INPP5D: variants seen among roughly 807,000 people sequenced by gnomAD.
INPP5D encodes phosphatidylinositol 3,4,5-trisphosphate 5-phosphatase 1.
INPP5D carries 33 observed loss-of-function variants against 122.9 expected under a neutral mutation model. That is an observed-to-expected ratio of 0.27 (90% CI 0.20 to 0.36). The LOEUF is 0.36. Among genes scored for constraint, INPP5D ranks in the 10% least tolerant of loss-of-function variants. The pLI, the probability that INPP5D is intolerant of heterozygous loss-of-function variation, is 1.00. For synonymous variants in INPP5D, 584 were observed against 576.2 expected, an observed-to-expected ratio of 1.01 and a Z score of -0.19; for missense variants, 1,053 against 1,412.7, an observed-to-expected ratio of 0.75 and a Z score of 4.08.
In INPP5D at chr2:233,170,622, G is replaced by A. The variant is rs376023581; in HGVS notation, c.1900+18G>A. 1,876 of 1,611,124 alleles carry A rather than the reference G, an allele frequency of 1.2e-3. 39 individuals are homozygous for A. In the South Asian group the frequency reaches 0.019, roughly 16 times the overall value. On this transcript the variant is annotated intron_variant, in intron 16 of 26. Coordinates refer to ENST00000445964, the MANE Select transcript of INPP5D (RefSeq NM_001017915.3). The surrounding 1 kb of genome is among the most constrained non-coding windows in gnomAD (Gnocchi z 4.5). ...ACACTTCGGTAAGAGCAGCAACCCC[G>A]GCTGGGAGCGGTGGCTCACACCTGT...
At chr2:233,079,576 A>G (rs1212479691) in intron 2 of INPP5D, among the ~76,000 whole-genome samples, 178 bp downstream of exon 2, 1 of 152,144 alleles carries the variant, frequency 6.6e-6, no homozygotes, top group Admixed American at 6.5e-5. Context: ...GGGGCCCTCC[A>G]AGTGACCCTG....
At chr2:233,075,875 T>C (rs1416616521) in intron 1 of INPP5D, among the ~76,000 whole-genome samples, 1 of 152,178 alleles carries the variant, frequency 6.6e-6, no homozygotes, top group Non-Finnish European at 1.5e-5. Context: ...GTCATTAACA[T>C]CTGCTGAGAT....
At chr2:233,184,944 G>T (rs1054625381) in intron 20 of INPP5D, among the ~76,000 whole-genome samples, 2 of 152,108 alleles carry the variant, frequency 1.3e-5, no homozygotes, top group African/African-American at 4.8e-5. Flanking sequence ...CCTCTTGCTC[G>T]TTGGAGATCA....
chr2:233,161,891 C>T lies in INPP5D; in HGVS notation c.1240+65C>T. On this transcript the variant is annotated intron_variant, in intron 11 of 26. Coordinates refer to ENST00000445964, the MANE Select transcript of INPP5D (RefSeq NM_001017915.3). ...CTTCTGCTTTCCTGACTCAGGCATC[C>T]TCAAGGTGGGGTGGAGTGACGACAT... 1.3e-6 allele frequency: 2 copies of T among 1,551,544 alleles called. 1 individual carries two copies.
intron 2 of INPP5D, among the ~76,000 whole-genome samples, chr2:233,093,596 C>T (rs775578033): frequency 2.7e-5 from 4 of 150,228 alleles, no homozygotes; most frequent in African/African-American, 4.9e-5. Context: ...ATGAGAATCG[C>T]TTGAACTTGG....
chr2:233,139,700 C>T, intron 5 of INPP5D, 142 bp from the exon 6 acceptor site: 2 of 390,150 alleles, frequency 5.1e-6, no homozygotes, highest in Non-Finnish European at 4.5e-6. Context: ...TTGATCTTTG[C>T]CCGGGCTTGT....
At chr2:233,075,599 ATG>A (rs150497378) in intron 1 of INPP5D, among the ~76,000 whole-genome samples, 40 of 150,814 alleles carry the variant, frequency 2.7e-4, no homozygotes, top group East Asian at 9.8e-4. Flanking sequence ...GCACATGTAT[ATG>A]TGTGTGTGTG....
intron 2 of INPP5D, among the ~76,000 whole-genome samples, chr2:233,112,765 G>C (rs547352908): frequency 1.3e-5 from 2 of 152,082 alleles, no homozygotes; most frequent in Non-Finnish European, 2.9e-5. Flanking sequence ...TCTGCCTCCT[G>C]GGTTCCAGCA....
In INPP5D at chr2:233,206,935, A is replaced by G. The variant is rs1398002229; in HGVS notation, c.*227A>G. On this transcript the variant is annotated 3_prime_UTR_variant, in exon 27 of 27. Coordinates refer to ENST00000445964, the MANE Select transcript of INPP5D (RefSeq NM_001017915.3). The surrounding 1 kb of genome is among the most constrained non-coding windows in gnomAD (Gnocchi z 4.0). ...AAAACGCACACCAGACGGGCAACAA[A>G]CAGTCTGGGTCCCCAGCTCGCTCTT... is the stretch of plus-strand genomic sequence containing the variant. 3 of 530,512 alleles carry G rather than the reference A, an allele frequency of 5.7e-6. 1 individual carries two copies. Among genetic ancestry groups the G allele is most frequent in the African/African-American group, 1.9e-5 (1 of 51,444 alleles). 32.9% of individuals were successfully genotyped at this position (530,512 alleles called of 1,614,324 possible).
chr2:233,100,625 CCTGGGATGAGG>C lies in INPP5D; in HGVS notation c.198+21230_198+21240del, dbSNP rs1312747142. ...CGCTCACCCAGAGCTCTCTCTCTTC[CCTGGGATGAGG>C]CTTGGTTCTACGGAAGCTGGGGTCG... is the stretch of plus-strand genomic sequence containing the variant. On this transcript the variant is annotated intron_variant, in intron 2 of 26. Transcript: ENST00000445964. This position sits in a 1 kb window ranked among gnomAD's most constrained non-coding sequence, Gnocchi z 5.3. Among the ~76,000 whole-genome samples the C allele has an allele frequency of 6.6e-6, 1 of 152,218 alleles. No individual in the cohort carries two copies. The highest frequency in any genetic ancestry group is 2.4e-5 in the African/African-American group (1 of 41,446).
rs1693735591 is a variant in INPP5D at position 233,145,516 on chromosome 2, G to A, written c.754-646G>A. On this transcript the variant is annotated intron_variant, in intron 6 of 26. Transcript: ENST00000445964. ...AACAGAACAAGGCAACTTGATAGAG[G>A]TGACCTGGTGGCTATTTTAGACAGG... Among the ~76,000 whole-genome samples the A allele has an allele frequency of 1.3e-5, 2 of 152,204 alleles. 1 individual carries two copies. Among genetic ancestry groups the A allele is most frequent in the South Asian group, 4.1e-4 (2 of 4,836 alleles).
chr2:233,081,872 T>C (rs562400151), intron 2 of INPP5D, among the ~76,000 whole-genome samples: 98 of 152,284 alleles, frequency 6.4e-4, no homozygotes, highest in African/African-American at 2.3e-3. Context: ...AGGAGTCTGA[T>C]GGCTCAGCCT....
intron 25 of INPP5D, among the ~76,000 whole-genome samples, 169 bp from the exon 26 acceptor site, chr2:233,203,957 C>CA (rs1695407857): frequency 6.6e-6 from 1 of 152,122 alleles, no homozygotes; most frequent in Non-Finnish European, 1.5e-5. Context: ...TAAAACAAAA[C>CA]AAGACAAAAC....
In INPP5D at chr2:233,100,504, C is replaced by A. The variant is rs754313448; in HGVS notation, c.198+21106C>A. Reference sequence around the variant, plus strand: ...ACTCCAAAACAGCCCACGTTACTCCCGGTGACAATCAGAATTCCCCCTGGC... The same window carrying A: ...ACTCCAAAACAGCCCACGTTACTCCAGGTGACAATCAGAATTCCCCCTGGC... On this transcript the variant is annotated intron_variant, in intron 2 of 26. Transcript: ENST00000445964. The surrounding 1 kb of genome is among the most constrained non-coding windows in gnomAD (Gnocchi z 5.3). 1.3e-5 allele frequency among the ~76,000 whole-genome samples: 2 copies of A among 152,154 alleles called. No homozygotes were observed. Among genetic ancestry groups the A allele is most frequent in the Non-Finnish European group, 2.9e-5 (2 of 68,026 alleles).
rs754709621 is a variant in INPP5D, at chr2:233,195,506, C to A, written c.2693+11C>A. Reference sequence around the variant, plus strand: ...GGAAGTCACTAGCAGGTAAAGTGGGCGTGGGGTGGGTGTTGGGGGGGGTGG... The same window carrying A: ...GGAAGTCACTAGCAGGTAAAGTGGGAGTGGGGTGGGTGTTGGGGGGGGTGG... On this transcript the variant is annotated intron_variant, in intron 24 of 26. Coordinates refer to ENST00000445964, the MANE Select transcript of INPP5D (RefSeq NM_001017915.3). 2 of 1,332,634 alleles carry A rather than the reference C, an allele frequency of 1.5e-6. No homozygotes were observed. The highest frequency in any genetic ancestry group is 2.1e-6 in the Non-Finnish European group (2 of 965,464). 82.6% of individuals were successfully genotyped at this position (1,332,634 alleles called of 1,614,324 possible).
chr2:233,131,078 A>G (rs574404738), intron 5 of INPP5D: 1 of 700,542 alleles, frequency 1.4e-6, no homozygotes, highest in African/African-American at 1.9e-5. Context: ...TTATGGCCCA[A>G]GATTTCCAGT....
intron 8 of INPP5D, 58 bp from the exon 9 acceptor site, chr2:233,147,413 A>G (rs1406061786): frequency 1.3e-5 from 9 of 698,540 alleles, no homozygotes; most frequent in South Asian, 7.4e-5. Flanking sequence ...CGGGCGGGGG[A>G]AGCCTTGCAA....
chr2:233,204,368 G>T lies in INPP5D; in HGVS notation c.3218G>T (p.Gly1073Val), dbSNP rs1484616419. 6.2e-7 allele frequency: 1 copy of T among 1,610,162 alleles called. No individual in the cohort carries two copies. Among genetic ancestry groups the T allele is most frequent in the African/African-American group, 1.3e-5 (1 of 74,864 alleles). The part of the protein sequence containing the change: ...TKAQEADRGE[G>V]PGKQVPAPRL... ...GCCCAGGAGGCTGATCGCGGCGAGG[G>T]GCCCGGCAAGCAGGTGCCCGCGCCC... Residue 1073 changes from glycine to valine, a missense_variant, in exon 26 of 27, where the codon GGG (glycine) becomes GTG (valine). Around this residue, in one of 6 missense-constraint regions of INPP5D, gnomAD observed 417 missense variants for 425.8 expected, o/e 0.98. Transcript: ENST00000445964.
rs1220987720 is a variant in INPP5D, at chr2:233,170,299, G to A, written c.1791+135G>A. ...CGGCTGCTCCCCTTGGGGGCTCAACGCTGTTTCCATTACTGAGCCTCAGCC... is the reference window on the plus strand; with the variant it reads ...CGGCTGCTCCCCTTGGGGGCTCAACACTGTTTCCATTACTGAGCCTCAGCC... On this transcript the variant is annotated intron_variant, in intron 15 of 26. Coordinates refer to ENST00000445964, the MANE Select transcript of INPP5D (RefSeq NM_001017915.3). The surrounding 1 kb of genome is among the most constrained non-coding windows in gnomAD (Gnocchi z 4.5). 9 of 1,495,732 alleles carry A rather than the reference G, an allele frequency of 6.0e-6. No homozygotes were observed. The highest frequency in any genetic ancestry group is 2.4e-4 in the Middle Eastern group (1 of 4,222). The allele number at this position is 1,495,732 out of a possible 1,614,324, so 92.7% of individuals were successfully genotyped here.
Sources: allele counts gnomAD v4.1 joint callset (sites outside exome capture counted in the v4.1 genomes callset), GRCh38; gene constraint gnomAD v4.1.1; regional missense constraint gnomAD v4.1.1; non-coding constraint Gnocchi (gnomAD v3.1); transcripts MANE v1.5; gene names NCBI Gene and HGNC (gene_info 2026-07-23, HGNC 2026-07-21).